The following DMD variants were observed in gnomAD, a reference collection of about 807,000 sequenced individuals.
DMD encodes the protein mutant dystrophin.
DMD carries 63 observed loss-of-function variants against 330.1 expected under a neutral mutation model. The observed-to-expected ratio is 0.19, with a 90% CI of 0.16 to 0.24. The LOEUF is 0.24. DMD is among the 10% of genes least tolerant of loss of function. The probability of loss-of-function intolerance (pLI) is 1.00; values close to 1 mark genes in which losing one functional copy is unlikely to be tolerated. For synonymous variants in DMD, 1,223 were observed against 959.8 expected, an observed-to-expected ratio of 1.27 and a Z score of -5.07; for missense variants, 3,344 against 2,684.1, an observed-to-expected ratio of 1.25 and a Z score of -5.43.
chrX:32,670,498 G>A (rs1488537926), intron 9 of DMD, among the ~76,000 whole-genome samples: 1 of 111,626 alleles, frequency 9.0e-6, no homozygotes, highest in African/African-American at 3.3e-5. Context: ...ATCTTAATCT[G>A]TATAGTGGGA....
At chrX:32,481,012 A>G (rs992027853) in intron 21 of DMD, among the ~76,000 whole-genome samples, 3 of 110,611 alleles carry the variant, frequency 2.7e-5, no homozygotes, top group African/African-American at 9.8e-5. Context: ...AATTAGGTCA[A>G]TTTCCTGAAC....
intron 30 of DMD, among the ~76,000 whole-genome samples, chrX:32,395,065 AG>A (rs1295031698): frequency 1.8e-5 from 2 of 111,119 alleles, no homozygotes; most frequent in Non-Finnish European, 3.8e-5. Context: ...GTACAAATGA[AG>A]GTAGAAACAT....
intron 63 of DMD, among the ~76,000 whole-genome samples, chrX:31,243,079 G>C (rs192933571): frequency 1.1e-4 from 12 of 111,408 alleles, no homozygotes; most frequent in Admixed American, 2.9e-4. Flanking sequence ...ATTACCCAGA[G>C]AAAGGTTTTG....
intron 9 of DMD, among the ~76,000 whole-genome samples, chrX:32,660,673 T>G (rs1388278241): frequency 9.0e-6 from 1 of 111,153 alleles, no homozygotes; most frequent in Non-Finnish European, 1.9e-5. Flanking sequence ...AGATTGAAGG[T>G]TTTTTTCTGC....
intron 7 of DMD, among the ~76,000 whole-genome samples, chrX:32,732,125 C>A (rs2067767079): frequency 9.0e-6 from 1 of 111,503 alleles, no homozygotes; most frequent in Non-Finnish European, 1.9e-5. Flanking sequence ...GCAGAAGCCT[C>A]AGGAGCCGAT....
intron 45 of DMD, among the ~76,000 whole-genome samples, chrX:31,951,157 A>G (rs964105672): frequency 3.4e-4 from 25 of 72,553 alleles, no homozygotes; most frequent in Non-Finnish European, 4.2e-4. Flanking sequence ...ATATATATAT[A>G]TGTATATATA....
chrX:31,266,853 G>T, intron 62 of DMD: 1 of 1,204,440 alleles, frequency 8.3e-7, no homozygotes, highest in Non-Finnish European at 1.1e-6. Context: ...CCGCGGTCGA[G>T]TGTGGGTACG....
intron 19 of DMD, 72 bp from the exon 20 acceptor site, chrX:32,491,590 C>A: frequency 9.9e-7 from 1 of 1,014,395 alleles, no homozygotes; most frequent in South Asian, 2.1e-5. Context: ...AAAGCCAACA[C>A]ATCCTAATTA....
At chrX:32,611,085 A>T (rs1409885255) in intron 12 of DMD, among the ~76,000 whole-genome samples, 3 of 110,984 alleles carry the variant, frequency 2.7e-5, no homozygotes, top group Non-Finnish European at 3.8e-5. Flanking sequence ...AAATAAAGTC[A>T]ACTCTTTGCT....
chrX:31,899,077 T>G (rs1188632810), intron 47 of DMD, among the ~76,000 whole-genome samples: 1 of 112,071 alleles, frequency 8.9e-6, no homozygotes, highest in Non-Finnish European at 1.9e-5. Flanking sequence ...AAAAATTAAA[T>G]TATTAAAATA....
At chrX:31,331,959 A>G (rs1047244187) in intron 61 of DMD, among the ~76,000 whole-genome samples, 13 of 112,326 alleles carry the variant, frequency 1.2e-4, no homozygotes, top group Non-Finnish European at 2.4e-4. Context: ...AGAACTAGCA[A>G]TTAACGCAAA....
intron 1 of DMD, among the ~76,000 whole-genome samples, chrX:33,108,164 T>C (rs2031543490): frequency 2.1e-5 from 1 of 47,284 alleles, no homozygotes; most frequent in Non-Finnish European, 3.9e-5. Flanking sequence ...TAATCCCTAT[T>C]TTAATTTTAT....
At chrX:32,289,278 T>C (rs747862715) in intron 42 of DMD, among the ~76,000 whole-genome samples, 1 of 110,432 alleles carries the variant, frequency 9.1e-6, no homozygotes, top group African/African-American at 3.3e-5. Flanking sequence ...GAGACCCTAA[T>C]AGTTAGGCAG....
chrX:31,467,237 T>C (rs1016815908), intron 59 of DMD, among the ~76,000 whole-genome samples: 4 of 111,602 alleles, frequency 3.6e-5, no homozygotes, highest in Non-Finnish European at 7.5e-5. Context: ...ATCCTTGTCT[T>C]GTGCCGGTTT....
chrX:32,097,153 C>T lies in DMD; in HGVS notation c.6438+119763G>A, dbSNP rs182437580. Among the ~76,000 whole-genome samples, 241 of 110,879 alleles carry T rather than the reference C, an allele frequency of 2.2e-3. 2 individuals carry two copies. Among genetic ancestry groups the T allele is most frequent in the African/African-American group, 7.1e-3 (217 of 30,476 alleles). ...AACGTGCAGATTTGTTACATAGGTA[C>T]ACATGTGCCATAGTGGTTTGCTGCA... is the stretch of plus-strand genomic sequence containing the variant. On this transcript the variant is annotated intron_variant, in intron 44 of 78. Coordinates refer to ENST00000357033, the MANE Select transcript of DMD (RefSeq NM_004006.3).
intron 7 of DMD, among the ~76,000 whole-genome samples, chrX:32,734,183 G>A (rs1384622071): frequency 3.7e-5 from 4 of 108,085 alleles, no homozygotes; most frequent in Non-Finnish European, 5.7e-5. Context: ...ATAAATTCCT[G>A]CACACATACA....
At chrX:32,877,139 G>C (rs1242242765) in intron 2 of DMD, among the ~76,000 whole-genome samples, 2 of 111,822 alleles carry the variant, frequency 1.8e-5, no homozygotes, top group Non-Finnish European at 3.8e-5. Flanking sequence ...TCTGCAGCTA[G>C]ATGTAAACAA....
chrX:31,403,419 A>G (rs947201363), intron 60 of DMD, among the ~76,000 whole-genome samples: 3 of 111,937 alleles, frequency 2.7e-5, no homozygotes, highest in Non-Finnish European at 5.6e-5. Flanking sequence ...TTCTGAAATA[A>G]TATCAATAAT....
chrX:32,280,006 C>CATATATATATGTACCCCACAT (rs1477678709), intron 43 of DMD, among the ~76,000 whole-genome samples: 752 of 66,978 alleles, frequency 0.011, 9 homozygotes, highest in Middle Eastern at 0.026. Context: ...ATGTACCCCA[C>CATATATATATGTACCCCACAT]ATATATATAT....
Sources: allele counts gnomAD v4.1 joint callset (sites outside exome capture counted in the v4.1 genomes callset), GRCh38; gene constraint gnomAD v4.1.1; transcripts MANE v1.5; gene names NCBI Gene and HGNC (gene_info 2026-07-23, HGNC 2026-07-21).